The following RPL14 variants were observed in gnomAD, a reference collection of about 807,000 sequenced individuals.
The protein encoded by RPL14 is large ribosomal subunit protein eL14.
In RPL14, 4 loss-of-function variants were observed where a neutral mutation model predicts 25.3. That is an observed-to-expected ratio of 0.16 (90% CI 0.08 to 0.36). The LOEUF is 0.36. Ranked by LOEUF, RPL14 falls within the 10% of genes least tolerant of loss-of-function variation. The pLI, the probability that RPL14 is intolerant of heterozygous loss-of-function variation, is 1.00. For missense variants in RPL14, 212 were observed against 261.9 expected (o/e 0.81, Z 1.31); for synonymous variants, 75 against 89.8 (o/e 0.84, Z 0.93).
intron 2 of RPL14, 132 bp from the exon 3 acceptor site, chr3:40,458,509 CT>C (rs1308810799): frequency 1.5e-6 from 1 of 673,232 alleles, no homozygotes; most frequent in Non-Finnish European, 2.6e-6. Flanking sequence ...CAATCCTTGT[CT>C]TTTCTGAGCA....
rs930846183 is a variant in RPL14 at position 40,463,604 on chromosome 3, C to T, written c.*1372C>T. 1.3e-5 allele frequency: 2 copies of T among 152,210 alleles called. No individual in the cohort carries two copies. The highest frequency in any genetic ancestry group is 4.8e-5 in the African/African-American group (2 of 41,456). 9.4% of individuals were successfully genotyped at this position (152,210 alleles called of 1,614,324 possible). A position where few individuals can be genotyped will look rare whatever the true frequency, so the allele number is the denominator to read the frequency against. On this transcript the variant is annotated 3_prime_UTR_variant, in exon 6 of 6. Transcript: ENST00000396203. Reference sequence around the variant, plus strand: ...ATCCAAAAAGCTCTAACCTCTGAAACTGAGCTATGACACTACAATTTAAAA... The same window carrying T: ...ATCCAAAAAGCTCTAACCTCTGAAATTGAGCTATGACACTACAATTTAAAA...
rs1187156928 is a variant in RPL14 at position 40,467,581 on chromosome 3, TCAAA to T, written c.*5350_*5353del. The stretch of plus-strand genomic sequence containing the variant: ...GGTCATCTTTACTCAGTCTACCCAT[TCAAA>T]TGCCAATCTCTTCCAGAGGTAATCT... On this transcript the variant is annotated 3_prime_UTR_variant, in exon 6 of 6. Transcript: ENST00000396203. The T allele has an allele frequency of 2.0e-5, 3 of 152,268 alleles. No individual in the cohort carries two copies. Among genetic ancestry groups the T allele is most frequent in the African/African-American group, 7.2e-5 (3 of 41,456 alleles). The allele number at this position is 152,268 out of a possible 1,614,324, so 9.4% of individuals were successfully genotyped here.
rs758384343 is a variant in RPL14, at chr3:40,457,483, C to T, written c.3+9C>T. ...GTCCCGGGAAGCGCATGGTGAGGGT[C>T]CCCGGGCCGGCTGTGCAGCGGAATC... On this transcript the variant is annotated intron_variant, in intron 1 of 5. Coordinates refer to ENST00000396203, the MANE Select transcript of RPL14 (RefSeq NM_001034996.3). 1.5e-4 allele frequency: 232 copies of T among 1,545,304 alleles called. No homozygotes were observed. Among genetic ancestry groups the T allele is most frequent in the Admixed American group, 4.0e-4 (21 of 52,160 alleles).
In RPL14 at chr3:40,465,300, T is replaced by G. The variant is rs1170149649; in HGVS notation, c.*3068T>G. 1 of 152,078 alleles carries G rather than the reference T, an allele frequency of 6.6e-6. No homozygotes were observed. The highest frequency in any genetic ancestry group is 1.5e-5 in the Non-Finnish European group (1 of 68,050). The allele number at this position is 152,078 out of a possible 1,614,324, so 9.4% of individuals were successfully genotyped here. On this transcript the variant is annotated 3_prime_UTR_variant, in exon 6 of 6. Transcript: ENST00000396203. ...GGTAGTAAGCAAAGGAGAAATGTTA[T>G]ATGGGGTTCGGAGGTTTTGTGTTTG...
In RPL14 at chr3:40,463,238, A is replaced by G. The variant is rs1009903710; in HGVS notation, c.*1006A>G. ...TTTGTTTTTTTGAGACAGAGTCTTG[A>G]TCTTATCACCCAGGCTGGAGTGCAG... On this transcript the variant is annotated 3_prime_UTR_variant, in exon 6 of 6. Transcript: ENST00000396203. The G allele has an allele frequency of 6.6e-6, 1 of 150,738 alleles. No individual in the cohort carries two copies. Among genetic ancestry groups the G allele is most frequent in the African/African-American group, 2.4e-5 (1 of 40,850 alleles). 9.3% of individuals were successfully genotyped at this position (150,738 alleles called of 1,614,324 possible).
Position 40,468,091 on chromosome 3 carries a change from C to T in RPL14, c.*5859C>T, listed in dbSNP as rs765668373. 6.6e-6 allele frequency: 1 copy of T among 152,214 alleles called. No homozygotes were observed. Among genetic ancestry groups the T allele is most frequent in the African/African-American group, 2.4e-5 (1 of 41,442 alleles). The allele number at this position is 152,214 out of a possible 1,614,324, so 9.4% of individuals were successfully genotyped here. A position where few individuals can be genotyped will look rare whatever the true frequency, so the allele number is the denominator to read the frequency against. ...TGATCCTGACCTCGTGATCCACTCC[C>T]CAGTCTCCCAAAGTACTGGGATTAC... On this transcript the variant is annotated 3_prime_UTR_variant, in exon 6 of 6. Transcript: ENST00000396203.
At position 40,462,378 on chromosome 3, in the gene RPL14, T is replaced by A; in HGVS notation, c.*146T>A. The A allele has an allele frequency of 1.6e-6, 1 of 631,540 alleles. No homozygotes were observed. The highest frequency in any genetic ancestry group is 2.4e-6 in the Non-Finnish European group (1 of 423,262). 39.1% of individuals were successfully genotyped at this position (631,540 alleles called of 1,614,324 possible). A position where few individuals can be genotyped will look rare whatever the true frequency, so the allele number is the denominator to read the frequency against. On this transcript the variant is annotated 3_prime_UTR_variant, in exon 6 of 6. Coordinates refer to ENST00000396203, the MANE Select transcript of RPL14 (RefSeq NM_001034996.3). ...AAACATTAAATAATCAGTTCCTTTT[T>A]TTTTTTTTTTTTTTTTGAGATGGAG...
At position 40,466,118 on chromosome 3, in the gene RPL14, G is replaced by A. The variant is rs1697024975; in HGVS notation, c.*3886G>A. On this transcript the variant is annotated 3_prime_UTR_variant, in exon 6 of 6. Transcript: ENST00000396203. ...AGGCGGGAGAATCGCTTGAACCCAG[G>A]AGGTGGAGGTTGCAGTGAGCTGACA... The A allele has an allele frequency of 6.6e-6, 1 of 151,808 alleles. No individual in the cohort carries two copies. The highest frequency in any genetic ancestry group is 2.4e-5 in the African/African-American group (1 of 41,246). The allele number at this position is 151,808 out of a possible 1,614,324, so 9.4% of individuals were successfully genotyped here. A position where few individuals can be genotyped will look rare whatever the true frequency, so the allele number is the denominator to read the frequency against.
Position 40,457,877 on chromosome 3 carries a change from CCT to C in RPL14, c.4-11_4-10del, listed in dbSNP as rs573605799. 8.1e-6 allele frequency: 13 copies of C among 1,612,474 alleles called. No individual in the cohort carries two copies. The South Asian group carries it at 1.4e-4, about 18-fold the overall frequency. ...CTAAGTAAGTTTCACTGTCCTTTCT[CCT>C]CCAATTTTAGGTGTTCAGGCGCTTC... On this transcript the variant is annotated splice_polypyrimidine_tract_variant and intron_variant, in intron 1 of 5. Transcript: ENST00000396203.
chr3:40,457,387 CG>C lies in RPL14; in HGVS notation c.-81del, dbSNP rs1696857261. Reference sequence around the variant, plus strand: ...TGGTGAGTCTTACTGTTGCGGGCTCCGGGGCCGTCGACCATGCCGCTCGACC... The same window carrying C: ...TGGTGAGTCTTACTGTTGCGGGCTCCGGGCCGTCGACCATGCCGCTCGACC... On this transcript the variant is annotated 5_prime_UTR_variant, in exon 1 of 6. The change abolishes the stop of an existing upstream ORF in the 5' untranslated region. Coordinates refer to ENST00000396203, the MANE Select transcript of RPL14 (RefSeq NM_001034996.3). 6.2e-7 allele frequency: 1 copy of C among 1,603,044 alleles called. No individual in the cohort carries two copies. Among genetic ancestry groups the C allele is most frequent in the Non-Finnish European group, 8.5e-7 (1 of 1,174,366 alleles).
At position 40,464,598 on chromosome 3, in the gene RPL14, AG is replaced by A; in HGVS notation, c.*2369del. 1 of 443,674 alleles carries A rather than the reference AG, an allele frequency of 2.3e-6. No homozygotes were observed. Among genetic ancestry groups the A allele is most frequent in the Non-Finnish European group, 4.5e-6 (1 of 220,374 alleles). The allele number at this position is 443,674 out of a possible 1,614,324, so 27.5% of individuals were successfully genotyped here. A position where few individuals can be genotyped will look rare whatever the true frequency, so the allele number is the denominator to read the frequency against. ...TGTAGGGGAACACGGGAAGCTACTG[AG>A]GGTTTTTTAAAATGGCGTGATATCT... On this transcript the variant is annotated 3_prime_UTR_variant, in exon 6 of 6. Coordinates refer to ENST00000396203, the MANE Select transcript of RPL14 (RefSeq NM_001034996.3).
At chr3:40,460,187 T>A (rs187629395) in intron 3 of RPL14, among the ~76,000 whole-genome samples, 1,949 of 151,876 alleles carry the variant, frequency 0.013, 49 homozygotes, top group African/African-American at 0.042. Flanking sequence ...AATTTTTTTT[T>A]AAAAAAAAGC....
At position 40,464,223 on chromosome 3, in the gene RPL14, G is replaced by GCCT; in HGVS notation, c.*1991_*1992insCCT. On this transcript the variant is annotated 3_prime_UTR_variant, in exon 6 of 6. Transcript: ENST00000396203. ...GATCTGTCCGCCTTGGCCTCCCAAA[G>GCCT]TGCTGGGATTACAGGCGTGAGCCAC... 1 of 343,988 alleles carries GCCT rather than the reference G, an allele frequency of 2.9e-6. No homozygotes were observed. Among genetic ancestry groups the GCCT allele is most frequent in the South Asian group, 2.3e-5 (1 of 43,922 alleles). The allele number at this position is 343,988 out of a possible 1,614,324, so 21.3% of individuals were successfully genotyped here. A position where few individuals can be genotyped will look rare whatever the true frequency, so the allele number is the denominator to read the frequency against.
At chr3:40,457,788 C>G in intron 1 of RPL14, 102 bp from the exon 2 acceptor site, 1 of 1,199,490 alleles carries the variant, frequency 8.3e-7, no homozygotes, top group Admixed American at 1.8e-5. Context: ...CTGCAGCATT[C>G]TTTTTCGCTG....
chr3:40,461,293 G>A, intron 3 of RPL14, 114 bp from the exon 4 acceptor site: 3 of 767,850 alleles, frequency 3.9e-6, no homozygotes, highest in East Asian at 2.6e-5. Context: ...AAAATACATA[G>A]TGTACCAGGT....
At position 40,462,025 on chromosome 3, in the gene RPL14, G is replaced by GGGTACTGCTGCT. The variant is rs777670991; in HGVS notation, c.443_454dup (p.Gly148_Ala151dup). ...CTCCCAAAAAAGCACCTGGTACTAA[G>GGGTACTGCTGCT]GGTACTGCTGCTGCTGCTGCTGCTG... On this transcript the variant is annotated inframe_insertion, in exon 6 of 6. Coordinates refer to ENST00000396203, the MANE Select transcript of RPL14 (RefSeq NM_001034996.3). 4 of 412,358 alleles carry GGGTACTGCTGCT rather than the reference G, an allele frequency of 9.7e-6. No individual in the cohort carries two copies. The highest frequency in any genetic ancestry group is 1.6e-5 in the Non-Finnish European group (4 of 258,054). 25.5% of individuals were successfully genotyped at this position (412,358 alleles called of 1,614,324 possible).
Position 40,467,805 on chromosome 3 carries a change from GTTTTT to G in RPL14, c.*5575_*5579del, listed in dbSNP as rs1446762221. 6.0e-5 allele frequency: 9 copies of G among 151,192 alleles called. No individual in the cohort carries two copies. The highest frequency in any genetic ancestry group is 1.7e-4 in the African/African-American group (7 of 41,194). 9.4% of individuals were successfully genotyped at this position (151,192 alleles called of 1,614,324 possible). ...ATGCCAATTTCTTTTTCTGGTTTTT[GTTTTT>G]TGTGTGTGTGTGTTTTTTTTTTTTT... is the stretch of plus-strand genomic sequence containing the variant. On this transcript the variant is annotated 3_prime_UTR_variant, in exon 6 of 6. Transcript: ENST00000396203.
Position 40,461,652 on chromosome 3 carries a change from A to G in RPL14, c.345A>G (p.Ala115=). Residue 115 remains alanine (A), a synonymous_variant, in exon 5 of 6, where the codon GCA becomes GCG. Transcript: ENST00000396203. ...TDFDRFKVMK[A]KKMRNRIIKN... is the part of the protein sequence containing the mutation. ...TTGATCGTTTTAAAGTTATGAAGGC[A>G]AAGAAAATGGTAAGATTTAAGATCT... 6.2e-7 allele frequency: 1 copy of G among 1,602,640 alleles called. No individual in the cohort carries two copies. The highest frequency in any genetic ancestry group is 1.1e-5 in the South Asian group (1 of 87,776).
chr3:40,458,597 T>C, intron 2 of RPL14, 45 bp from the exon 3 acceptor site: 1 of 1,457,168 alleles, frequency 6.9e-7, no homozygotes, highest in African/African-American at 1.4e-5. Context: ...ACCATTTTAA[T>C]TGCTGTTAGA....
Sources: gnomAD v4.1 joint callset for allele counts (sites outside exome capture counted in the v4.1 genomes callset) on GRCh38, gnomAD v4.1.1 for gene constraint, MANE v1.5 for transcripts, NCBI Gene and HGNC (gene_info 2026-07-23, HGNC 2026-07-21) for gene names.